The following PXDN variants were observed in gnomAD, a reference collection of about 807,000 sequenced individuals.
The protein encoded by PXDN is peroxidasin.
PXDN carries 77 observed loss-of-function variants against 140.3 expected under a neutral mutation model. That is an observed-to-expected ratio of 0.55 (90% confidence interval 0.46 to 0.66). PXDN has a LOEUF of 0.66. PXDN is among the 30% of genes least tolerant of loss of function. PXDN has a pLI of 0.00. For missense variants in PXDN, 1,838 were observed against 2,039.5 expected, an observed-to-expected ratio of 0.90 and a Z score of 1.90; for synonymous variants, 911 against 857.4, an observed-to-expected ratio of 1.06 and a Z score of -1.09.
intron 1 of PXDN, among the ~76,000 whole-genome samples, chr2:1,735,687 T>A (rs374123275): frequency 2.0e-5 from 3 of 152,284 alleles, no homozygotes; most frequent in East Asian, 3.9e-4. Flanking sequence ...CACAGTAGAT[T>A]TGGCAGGGTC....
intron 1 of PXDN, among the ~76,000 whole-genome samples, chr2:1,718,228 C>T (rs1684939119): frequency 6.6e-6 from 1 of 151,504 alleles, no homozygotes; most frequent in Non-Finnish European, 1.5e-5. Flanking sequence ...CCCAAAACTA[C>T]TCTACTAACC....
chr2:1,643,311 A>G, intron 19 of PXDN, 57 bp downstream of exon 19: 1 of 1,551,360 alleles, frequency 6.4e-7, no homozygotes, highest in Non-Finnish European at 8.9e-7. Context: ...GCACCCGCCA[A>G]GCAGTCACCA....
At chr2:1,654,119 C>T (rs899604739) in intron 15 of PXDN, 23 of 483,802 alleles carry the variant, frequency 4.8e-5, no homozygotes, top group African/African-American at 3.5e-4. Flanking sequence ...TTTGCCAAAT[C>T]ATTTAGTCAT....
intron 8 of PXDN, chr2:1,676,555 C>T (rs1260209705): frequency 3.4e-5 from 9 of 267,768 alleles, no homozygotes; most frequent in Middle Eastern, 1.4e-3. Context: ...CACAATGCCC[C>T]AGGTCAAGGC....
chr2:1,715,048 C>T (rs1684863961), intron 1 of PXDN, among the ~76,000 whole-genome samples: 1 of 151,982 alleles, frequency 6.6e-6, no homozygotes, highest in Non-Finnish European at 1.5e-5. Flanking sequence ...TTTGTTCATG[C>T]ATATACAGTT....
rs1343011588 is a variant in PXDN at position 1,632,443 on chromosome 2, C to A, written c.*1761G>T. ...TCCACAATTTGGTCACTACATTTGACTTGCTATTTCAAAAGAAGTCCACAT... is the reference window on the plus strand; with the variant it reads ...TCCACAATTTGGTCACTACATTTGAATTGCTATTTCAAAAGAAGTCCACAT... On this transcript the variant is annotated 3_prime_UTR_variant, in exon 23 of 23. Transcript: ENST00000252804. The surrounding 1 kb of genome is among the most constrained non-coding windows in gnomAD (Gnocchi z 4.3). The A allele has an allele frequency of 6.6e-6, 1 of 152,216 alleles. No individual in the cohort carries two copies. The highest frequency in any genetic ancestry group is 1.5e-5 in the Non-Finnish European group (1 of 68,052). 9.4% of individuals were successfully genotyped at this position (152,216 alleles called of 1,614,324 possible). A position where few individuals can be genotyped will look rare whatever the true frequency, so the allele number is the denominator to read the frequency against.
chr2:1,694,615 C>T (rs575724384), intron 1 of PXDN, among the ~76,000 whole-genome samples: 14 of 152,348 alleles, frequency 9.2e-5, no homozygotes, highest in African/African-American at 2.4e-4. Flanking sequence ...TCTCCTCACA[C>T]GCACCCTCCC....
chr2:1,677,524 C>G (rs758856421), intron 7 of PXDN, among the ~76,000 whole-genome samples: 1 of 152,224 alleles, frequency 6.6e-6, no homozygotes, highest in Non-Finnish European at 1.5e-5. Flanking sequence ...CCACAGCTGC[C>G]CCGCCCTTCA....
chr2:1,734,279 A>G (rs1572203724), intron 1 of PXDN, among the ~76,000 whole-genome samples: 1 of 152,258 alleles, frequency 6.6e-6, no homozygotes, highest in East Asian at 1.9e-4. Flanking sequence ...GTAGCATTAC[A>G]TCTAAAAAAT....
At chr2:1,634,758 C>T (rs1682505177) in intron 22 of PXDN, among the ~76,000 whole-genome samples, 1 of 152,192 alleles carries the variant, frequency 6.6e-6, no homozygotes, top group African/African-American at 2.4e-5. Flanking sequence ...CCTTCCCAAA[C>T]CTGACCAGCT....
rs1683988378 is a variant in PXDN at position 1,684,116 on chromosome 2, G to C, written c.452C>G (p.Pro151Arg). The C allele has an allele frequency of 4.4e-6, 7 of 1,587,696 alleles. No individual in the cohort carries two copies. Among genetic ancestry groups the C allele is most frequent in the Admixed American group, 3.5e-5 (2 of 56,608 alleles). The change falls in exon 5 of 23, where the codon CCA (proline) becomes CGA (arginine). Residue 151 changes from proline to arginine, a missense_variant. By Grantham distance (103) the Pro-to-Arg change is moderately radical. Coordinates refer to ENST00000252804, the MANE Select transcript of PXDN (RefSeq NM_012293.3). ...LHFNQIETLD[P>R]DSFQHLPKLE... ...CTTCGGGAGATGCTGGAACGAATCT[G>C]GGTCCAAAGTTTCTATCTGATTAAA...
chr2:1,670,419 G>C (rs1683545704), intron 9 of PXDN, among the ~76,000 whole-genome samples: 1 of 152,074 alleles, frequency 6.6e-6, no homozygotes, highest in South Asian at 2.1e-4. Flanking sequence ...TATATAGATA[G>C]GAAAGAAACT....
At chr2:1,658,794 C>G (rs564403988) in intron 14 of PXDN, among the ~76,000 whole-genome samples, 9 of 140,794 alleles carry the variant, frequency 6.4e-5, no homozygotes, top group South Asian at 5.1e-4. Flanking sequence ...AGGACCCCCC[C>G]ACTCTACTCT....
chr2:1,648,310 A>G lies in PXDN; in HGVS notation c.3470T>C (p.Ile1157Thr). The change falls in exon 17 of 23, where the codon ATC becomes ACC. Residue 1157 changes from isoleucine to threonine, a missense_variant. Physicochemically the swap from Ile to Thr is moderately conservative, Grantham distance 89. Around this residue, in one of 5 missense-constraint regions of PXDN, gnomAD observed 850 missense variants for 894.1 expected, o/e 0.95. Transcript: ENST00000252804. The surrounding 1 kb of genome is among the most constrained non-coding windows in gnomAD (Gnocchi z 8.9). ...GTGGTCCCGGCCCCGCTGGATGTTG[A>G]TGGCCGCCAGGTCCAGAGCCACCGT... ...AHTVALDLAAINIQRGRDHGI... is the reference protein window; with the variant it reads ...AHTVALDLAATNIQRGRDHGI... 6.2e-7 allele frequency: 1 copy of G among 1,613,778 alleles called. No individual in the cohort carries two copies. The highest frequency in any genetic ancestry group is 8.5e-7 in the Non-Finnish European group (1 of 1,179,866).
At chr2:1,670,115 T>C (rs1459255260) in intron 9 of PXDN, among the ~76,000 whole-genome samples, 2 of 152,208 alleles carry the variant, frequency 1.3e-5, no homozygotes, top group African/African-American at 4.8e-5. Flanking sequence ...TTTTACACTA[T>C]GCTACCCTTC....
Position 1,649,585 on chromosome 2 carries a change from C to CAGTT in PXDN, c.2191_2194dup (p.Cys732Ter). 1 of 1,614,048 alleles carries CAGTT rather than the reference C, an allele frequency of 6.2e-7. No individual in the cohort carries two copies. Among genetic ancestry groups the CAGTT allele is most frequent in the Non-Finnish European group, 8.5e-7 (1 of 1,179,900 alleles). On this transcript the variant is annotated stop_gained and frameshift_variant, in exon 17 of 23. Coordinates refer to ENST00000252804, the MANE Select transcript of PXDN (RefSeq NM_012293.3). LOFTEE classifies it high-confidence loss of function. The surrounding 1 kb of genome is among the most constrained non-coding windows in gnomAD (Gnocchi z 7.1). ...CTTCTGGTGGAAGCACATGTCCGAG[C>CAGTT]AGTTGTTCACGCGCCGGTGGGCGGT... is the stretch of plus-strand genomic sequence containing the variant.
At chr2:1,665,557 T>C (rs1683415592) in intron 10 of PXDN, among the ~76,000 whole-genome samples, 1 of 152,190 alleles carries the variant, frequency 6.6e-6, no homozygotes, top group African/African-American at 2.4e-5. Flanking sequence ...ACAAAAAAAG[T>C]AAATCCATGT....
chr2:1,662,752 G>A (rs554110352), intron 12 of PXDN, among the ~76,000 whole-genome samples: 1 of 152,342 alleles, frequency 6.6e-6, no homozygotes, highest in East Asian at 1.9e-4. Flanking sequence ...GAAACACAGA[G>A]CCAACCCGGC....
chr2:1,653,643 C>T lies in PXDN; in HGVS notation c.2089G>A (p.Asp697Asn), dbSNP rs1471063543. Residue 697 changes from aspartate to asparagine, a missense_variant, in exon 16 of 23, where the codon GAC becomes AAC. Physicochemically the swap from Asp to Asn is conservative, Grantham distance 23 (BLOSUM62 1). Transcript: ENST00000252804. ...TGGCACTGACTTGTTCCGTTGAGGT[C>T]GACCATCAAGCCATGCTGTACATGC... The part of the protein sequence containing the change: ...QEHVQHGLMV[D>N]LNGTSYHYND... 1.9e-6 allele frequency: 3 copies of T among 1,612,732 alleles called. No homozygotes were observed. Among genetic ancestry groups the T allele is most frequent in the Admixed American group, 1.7e-5 (1 of 59,908 alleles).
Sources: allele counts gnomAD v4.1 joint callset (sites outside exome capture counted in the v4.1 genomes callset), GRCh38; gene constraint gnomAD v4.1.1; regional missense constraint gnomAD v4.1.1; non-coding constraint Gnocchi (gnomAD v3.1); transcripts MANE v1.5; gene names NCBI Gene and HGNC (gene_info 2026-07-23, HGNC 2026-07-21).